The following ABCC1 variants were observed in gnomAD, a reference collection of about 807,000 sequenced individuals.
ABCC1 encodes ATP binding cassette subfamily C member 1 (ABCC1 blood group).
In ABCC1, 83 loss-of-function variants were observed where a neutral mutation model predicts 172.9. The observed-to-expected ratio is 0.48, with a 90% CI of 0.40 to 0.58. The LOEUF (loss-of-function observed/expected upper bound fraction) is 0.58. Ranked by LOEUF, ABCC1 falls within the 20% of genes least tolerant of loss-of-function variation. The probability of loss-of-function intolerance (pLI) is 0.00; values close to 1 mark genes in which losing one functional copy is unlikely to be tolerated. For synonymous variants in ABCC1, 937 were observed against 825.2 expected, an observed-to-expected ratio of 1.14 and a Z score of -2.32; for missense variants, 1,817 against 2,002.7, an observed-to-expected ratio of 0.91 and a Z score of 1.77.
chr16:15,966,140 C>T (rs575446887), intron 1 of ABCC1, among the ~76,000 whole-genome samples: 6 of 152,076 alleles, frequency 3.9e-5, no homozygotes, highest in East Asian at 1.9e-4. Flanking sequence ...CACAGCAGGG[C>T]GCGGTGGCTC....
In ABCC1 at chr16:16,084,417, G is replaced by A. The variant is rs1158246662; in HGVS notation, c.2292+875G>A. On this transcript the variant is annotated intron_variant, in intron 17 of 30. Transcript: ENST00000399410. Reference sequence around the variant, plus strand: ...CTCTCTCTGTCGCCCAGGCTAGAGTGTAGTGGCTCACTCTTGGCTCATTGC... The same window carrying A: ...CTCTCTCTGTCGCCCAGGCTAGAGTATAGTGGCTCACTCTTGGCTCATTGC... Among the ~76,000 whole-genome samples the A allele has an allele frequency of 8.0e-5, 12 of 149,276 alleles. No individual in the cohort carries two copies. The Admixed American group carries it at 8.1e-4, about 10-fold the overall frequency.
chr16:15,991,089 G>A (rs780769346), intron 1 of ABCC1, among the ~76,000 whole-genome samples: 3 of 152,160 alleles, frequency 2.0e-5, no homozygotes, highest in Non-Finnish European at 4.4e-5. Context: ...TGACGCTCCA[G>A]TGAACACGGG....
rs2051207006 is a variant in ABCC1 at position 16,090,518 on chromosome 16, A to G, written c.2574A>G (p.Arg858=). 17 of 1,613,790 alleles carry G rather than the reference A, an allele frequency of 1.1e-5. No individual in the cohort carries two copies. The highest frequency in any genetic ancestry group is 1.4e-5 in the Non-Finnish European group (16 of 1,179,920). Reference sequence around the variant, plus strand: ...GCTCCTACCAGGAGCTGCTGGCTCGAGACGGCGCCTTCGCTGAGTTCCTGC... The same window carrying G: ...GCTCCTACCAGGAGCTGCTGGCTCGGGACGGCGCCTTCGCTGAGTTCCTGC... The part of the protein sequence containing the change: ...EMGSYQELLA[R]DGAFAEFLRT... Residue 858 remains arginine (R), a synonymous_variant, in exon 19 of 31, where the codon CGA becomes CGG. Coordinates refer to ENST00000399410, the MANE Select transcript of ABCC1 (RefSeq NM_004996.4).
chr16:16,118,263 C>G (rs962056035), intron 23 of ABCC1, among the ~76,000 whole-genome samples: 1 of 152,130 alleles, frequency 6.6e-6, no homozygotes, highest in African/African-American at 2.4e-5. Flanking sequence ...CCACGCTGCA[C>G]AGCTGTTCAG....
At chr16:16,130,886 G>A (rs977481320) in intron 26 of ABCC1, among the ~76,000 whole-genome samples, 3 of 152,202 alleles carry the variant, frequency 2.0e-5, no homozygotes, top group East Asian at 1.9e-4. Context: ...ACTTTGGGAG[G>A]TAGAGGTGGG....
intron 1 of ABCC1, among the ~76,000 whole-genome samples, chr16:15,957,213 G>A (rs2046017544): frequency 6.6e-6 from 1 of 151,438 alleles, no homozygotes; most frequent in South Asian, 2.1e-4. Context: ...CCAGGTAGCT[G>A]GGACTACAGG....
rs1195556486 is a variant in ABCC1 at position 16,114,893 on chromosome 16, T to C, written c.3207T>C (p.Ser1069=). ...TGAGCTTCTTTGAGCGGACCCCCAG[T>C]GGGAACCTGGTGAACCGCTTCTCCA... ...SPMSFFERTP[S]GNLVNRFSKE... is the part of the protein sequence containing the mutation. Residue 1069 remains serine, a synonymous_variant, in exon 23 of 31, where the codon AGT becomes AGC. Coordinates refer to ENST00000399410, the MANE Select transcript of ABCC1 (RefSeq NM_004996.4). 6.2e-7 allele frequency: 1 copy of C among 1,613,940 alleles called. No individual in the cohort carries two copies. Among genetic ancestry groups the C allele is most frequent in the East Asian group, 2.2e-5 (1 of 44,876 alleles).
At chr16:16,105,525 G>T in intron 20 of ABCC1, 1 of 152,390 alleles carries the variant, frequency 6.6e-6, no homozygotes. Context: ...GGTTTATTCG[G>T]CCTTCAGGAA....
chr16:16,052,433 A>G (rs561766172), intron 10 of ABCC1, among the ~76,000 whole-genome samples: 1 of 151,984 alleles, frequency 6.6e-6, no homozygotes, highest in South Asian at 2.1e-4. Flanking sequence ...CATCTCCTAA[A>G]AAAAAAAAAA....
chr16:16,049,326 C>T (rs989724782), intron 10 of ABCC1, among the ~76,000 whole-genome samples: 2 of 152,202 alleles, frequency 1.3e-5, no homozygotes, highest in Non-Finnish European at 2.9e-5. Context: ...CACTGTGGCC[C>T]AGGAGGCAGA....
intron 21 of ABCC1, among the ~76,000 whole-genome samples, chr16:16,110,103 CTT>C (rs145470101): frequency 1.4e-5 from 2 of 143,812 alleles, no homozygotes; most frequent in Non-Finnish European, 1.5e-5. Context: ...GGTTTAACTC[CTT>C]TTTTTTTTTT....
At position 16,100,194 on chromosome 16, in the gene ABCC1, C is replaced by T. The variant is rs138023522; in HGVS notation, c.2645-2433C>T. 5.8e-3 allele frequency among the ~76,000 whole-genome samples: 879 copies of T among 152,214 alleles called. 13 individuals carry two copies. Among genetic ancestry groups the T allele is most frequent in the African/African-American group, 0.02 (828 of 41,528 alleles). ...GTGCAGAGTGGAATTTTCCAGCTGC[C>T]CAGTTCGACCTGTGGGCTAATTGGT... On this transcript the variant is annotated intron_variant, in intron 19 of 30. Coordinates refer to ENST00000399410, the MANE Select transcript of ABCC1 (RefSeq NM_004996.4).
rs144746738 is a variant in ABCC1, at chr16:15,964,114, T to C, written c.48+14315T>C. Among the ~76,000 whole-genome samples the C allele has an allele frequency of 6.9e-3, 1,046 of 152,166 alleles. 11 individuals carry two copies. Among genetic ancestry groups the C allele is most frequent in the African/African-American group, 0.023 (974 of 41,512 alleles). ...ACCCGCCATCATGCCTGGCTAATGT[T>C]TGTATTTTTGTAGAGACAGGATTTC... On this transcript the variant is annotated intron_variant, in intron 1 of 30. Coordinates refer to ENST00000399410, the MANE Select transcript of ABCC1 (RefSeq NM_004996.4).
intron 3 of ABCC1, among the ~76,000 whole-genome samples, chr16:16,011,295 G>A (rs1034147295): frequency 1.3e-5 from 2 of 151,980 alleles, no homozygotes; most frequent in Non-Finnish European, 2.9e-5. Flanking sequence ...TGAGCAGGGT[G>A]AACAGTGTGT....
At chr16:16,127,209 C>T (rs2045477671) in intron 26 of ABCC1, among the ~76,000 whole-genome samples, 1 of 152,132 alleles carries the variant, frequency 6.6e-6, no homozygotes, top group Non-Finnish European at 1.5e-5. Context: ...GTAATGCACT[C>T]AGTCTTTACC....
chr16:15,970,270 C>T (rs1387384512), intron 1 of ABCC1, among the ~76,000 whole-genome samples: 5 of 152,196 alleles, frequency 3.3e-5, no homozygotes, highest in African/African-American at 1.2e-4. Flanking sequence ...CAAGATGATG[C>T]ATCTCCATGT....
chr16:16,111,320 G>GGCTGGT (rs2152085395), intron 21 of ABCC1, 55 bp from the exon 22 acceptor site: 1 of 1,525,440 alleles, frequency 6.6e-7, no homozygotes, highest in Non-Finnish European at 9.1e-7. Context: ...GTGGGGCTGG[G>GGCTGGT]GCTGGGGCTG....
At chr16:16,130,447 A>G (rs1445269393) in intron 26 of ABCC1, among the ~76,000 whole-genome samples, 2 of 152,042 alleles carry the variant, frequency 1.3e-5, no homozygotes, top group Non-Finnish European at 2.9e-5. Context: ...TTTTTTACTC[A>G]CTGCAGTGTG....
chr16:16,129,206 C>T (rs1021360202), intron 26 of ABCC1, among the ~76,000 whole-genome samples: 6 of 152,132 alleles, frequency 3.9e-5, no homozygotes, highest in Non-Finnish European at 8.8e-5. Context: ...TCCTGTGAAA[C>T]CTTTTCTTTA....
Sources: gnomAD v4.1 joint callset for allele counts (sites outside exome capture counted in the v4.1 genomes callset) on GRCh38, gnomAD v4.1.1 for gene constraint, MANE v1.5 for transcripts, NCBI Gene and HGNC (gene_info 2026-07-23, HGNC 2026-07-21) for gene names.